The following FBXL13 variants were observed in gnomAD, a reference collection of about 807,000 sequenced individuals.
The protein encoded by FBXL13 is F-box and leucine rich repeat protein 13.
FBXL13 carries 67 observed loss-of-function variants against 83.6 expected under a neutral mutation model. The observed-to-expected ratio is 0.80, with a 90% CI of 0.66 to 0.98. The LOEUF is 0.98. Ranked by LOEUF, FBXL13 falls within the 50% of genes least tolerant of loss-of-function variation. The pLI is 0.00. For synonymous variants in FBXL13, 272 were observed against 299.5 expected, an observed-to-expected ratio of 0.91 and a Z score of 0.95; for missense variants, 822 against 866.5, an observed-to-expected ratio of 0.95 and a Z score of 0.64.
At chr7:102,812,999 C>T (rs1040604482), downstream of FBXL13, among the ~76,000 whole-genome samples, 1 of 152,010 alleles carries the variant, frequency 6.6e-6, no homozygotes, top group African/African-American at 2.4e-5. Flanking sequence ...CCCACCACCA[C>T]ACCCGGCTAA....
chr7:102,933,321 C>T lies in FBXL13; in HGVS notation c.725-1388G>A, dbSNP rs563629740. 2.0e-5 allele frequency: 3 copies of T among 152,178 alleles called. No individual in the cohort carries two copies. The East Asian group carries it at 5.8e-4, about 29-fold the overall frequency. The allele number at this position is 152,178 out of a possible 1,614,324, so 9.4% of individuals were successfully genotyped here. A position where few individuals can be genotyped will look rare whatever the true frequency, so the allele number is the denominator to read the frequency against. On this transcript the variant is annotated intron_variant, in intron 8 of 19. Transcript: ENST00000313221. ...AGGAAGACAACAATTCAAGTCCTAC[C>T]CTTGTGTGTGCATCTCAAGGCTGTG...
At chr7:103,031,997 A>C (rs1435913388) in intron 2 of FBXL13, among the ~76,000 whole-genome samples, 1 of 152,168 alleles carries the variant, frequency 6.6e-6, no homozygotes, top group East Asian at 1.9e-4. Flanking sequence ...CCTCATGTAC[A>C]CTGGGGACAG....
At chr7:102,908,898 G>A (rs1487643923) in intron 11 of FBXL13, among the ~76,000 whole-genome samples, 1 of 152,186 alleles carries the variant, frequency 6.6e-6, no homozygotes, top group Non-Finnish European at 1.5e-5. Flanking sequence ...ACCACTTCCT[G>A]GCTACTGCCA....
At chr7:102,818,690 G>A (rs1798356677) in intron 19 of FBXL13, among the ~76,000 whole-genome samples, 3 of 152,188 alleles carry the variant, frequency 2.0e-5, no homozygotes, top group African/African-American at 7.2e-5. Context: ...TTGGGGCTCT[G>A]AAGGCCACTA....
intron 2 of FBXL13, among the ~76,000 whole-genome samples, chr7:103,037,979 C>G (rs1163792676): frequency 2.6e-5 from 4 of 152,066 alleles, no homozygotes; most frequent in Admixed American, 2.6e-4. Flanking sequence ...AGAGGGCGAG[C>G]TGAAGCAGGG....
chr7:102,871,513 G>A (rs1808535711), intron 16 of FBXL13, among the ~76,000 whole-genome samples: 2 of 151,470 alleles, frequency 1.3e-5, no homozygotes, highest in African/African-American at 4.9e-5. Flanking sequence ...AGCCCCCCAG[G>A]TAGCTGGGAC....
chr7:102,885,885 C>T (rs565078033), intron 11 of FBXL13, among the ~76,000 whole-genome samples: 1 of 152,120 alleles, frequency 6.6e-6, no homozygotes, highest in African/African-American at 2.4e-5. Flanking sequence ...GTATTCTTTT[C>T]CCCATTGAAT....
chr7:103,054,105 T>A (rs924775715), intron 2 of FBXL13, among the ~76,000 whole-genome samples: 1 of 152,062 alleles, frequency 6.6e-6, no homozygotes. Context: ...TCAAGAGATA[T>A]CATGCACGGG....
intron 11 of FBXL13, among the ~76,000 whole-genome samples, chr7:102,905,297 T>A (rs1813589808): frequency 6.6e-6 from 1 of 152,336 alleles, no homozygotes; most frequent in South Asian, 2.1e-4. Flanking sequence ...GCTCCAGTGT[T>A]GGGTGCATAT....
intron 16 of FBXL13, among the ~76,000 whole-genome samples, chr7:102,867,691 A>ATT (rs1338300455): frequency 2.0e-4 from 14 of 71,616 alleles, no homozygotes; most frequent in African/African-American, 5.5e-4. Flanking sequence ...ATATATATAT[A>ATT]TATATTTTTT....
At chr7:103,023,201 G>C (rs577932746) in intron 6 of FBXL13, among the ~76,000 whole-genome samples, 1 of 152,230 alleles carries the variant, frequency 6.6e-6, no homozygotes, top group South Asian at 2.1e-4. Context: ...CCGTGAAACC[G>C]GGAGGTGGAG....
intron 1 of FBXL13, among the ~76,000 whole-genome samples, chr7:103,057,030 G>C (rs1193360139): frequency 6.6e-6 from 1 of 151,960 alleles, no homozygotes. Context: ...TAATTTGTTT[G>C]AGTTCTTTAT....
intron 17 of FBXL13, among the ~76,000 whole-genome samples, chr7:102,851,850 A>G (rs564228418): frequency 6.6e-6 from 1 of 152,288 alleles, no homozygotes; most frequent in East Asian, 1.9e-4. Context: ...ATCACTTAAG[A>G]TTAGGTCTAG....
chr7:103,054,373 G>A (rs567340873), intron 2 of FBXL13, among the ~76,000 whole-genome samples: 205 of 144,404 alleles, frequency 1.4e-3, no homozygotes, highest in Middle Eastern at 7.2e-3. Flanking sequence ...CTGGGCAGCA[G>A]AGCAAGACTC....
chr7:102,980,005 C>A (rs1010894645), intron 6 of FBXL13, among the ~76,000 whole-genome samples: 2 of 152,040 alleles, frequency 1.3e-5, no homozygotes, highest in Admixed American at 6.6e-5. Context: ...AAAGAACAGA[C>A]CCTACAAACA....
chr7:102,969,854 G>GGAAAA (rs200693598), intron 6 of FBXL13, among the ~76,000 whole-genome samples: 87 of 135,238 alleles, frequency 6.4e-4, no homozygotes, highest in African/African-American at 2.1e-3. Context: ...GGGAGGGGAG[G>GGAAAA]GAAAAGAAAA....
rs1798242035 is a variant in FBXL13, at chr7:102,818,064, G to A, written c.2018+3976C>T. ...TTAAAAGGGATTCAGGGTTAGCCCT[G>A]TAGTAACACTGTGTGCCTTAGCTCA... On this transcript the variant is annotated intron_variant, in intron 19 of 19. Transcript: ENST00000313221. Among the ~76,000 whole-genome samples the A allele has an allele frequency of 2.0e-5, 3 of 152,354 alleles. No individual in the cohort carries two copies. The South Asian group carries it at 6.2e-4, about 32-fold the overall frequency.
At chr7:103,057,803 C>A (rs1220736783) in intron 1 of FBXL13, among the ~76,000 whole-genome samples, 2 of 152,130 alleles carry the variant, frequency 1.3e-5, no homozygotes, top group Non-Finnish European at 2.9e-5. Flanking sequence ...ATGAAAAGGT[C>A]TGCAGCACAC....
chr7:102,847,900 T>C (rs1243469421), intron 17 of FBXL13, among the ~76,000 whole-genome samples: 1 of 152,144 alleles, frequency 6.6e-6, no homozygotes, highest in African/African-American at 2.4e-5. Context: ...AAATGTATAA[T>C]CACATAGCAT....
Sources: allele counts gnomAD v4.1 joint callset (sites outside exome capture counted in the v4.1 genomes callset), GRCh38; gene constraint gnomAD v4.1.1; transcripts MANE v1.5; gene names NCBI Gene and HGNC (gene_info 2026-07-23, HGNC 2026-07-21).